Variants in ALK observed in about 807,000 individuals in gnomAD.
The protein encoded by ALK is ALK tyrosine kinase receptor.
A neutral mutation model predicts 163.1 loss-of-function variants in ALK; 74 were observed. The observed-to-expected ratio is 0.45, with a 90% CI of 0.38 to 0.55. The LOEUF (loss-of-function observed/expected upper bound fraction) is 0.55, where lower values mean the gene tolerates loss of function less well. ALK is among the 20% of genes least tolerant of loss of function. ALK has a pLI of 0.00. For synonymous variants in ALK, 960 were observed against 843.2 expected (o/e 1.14, Z -2.40); for missense variants, 2,063 against 2,105.3 (o/e 0.98, Z 0.39).
chr2:29,850,670 CG>C (rs904934998), intron 1 of ALK, among the ~76,000 whole-genome samples: 3 of 152,160 alleles, frequency 2.0e-5, no homozygotes, highest in African/African-American at 7.2e-5. Flanking sequence ...CAGCCAGGCT[CG>C]GGGGTGTTTC....
chr2:29,279,345 C>A (rs1665648475), intron 9 of ALK, among the ~76,000 whole-genome samples: 1 of 152,174 alleles, frequency 6.6e-6, no homozygotes. Flanking sequence ...CCGGGGCCAC[C>A]CACACATGGG....
chr2:29,645,945 T>C (rs750288893), intron 3 of ALK, among the ~76,000 whole-genome samples: 3 of 152,152 alleles, frequency 2.0e-5, no homozygotes, highest in Non-Finnish European at 4.4e-5. Flanking sequence ...TTAGCTACAG[T>C]CATTCATTCC....
chr2:29,444,742 A>G (rs1192236968), intron 4 of ALK, among the ~76,000 whole-genome samples: 3 of 152,206 alleles, frequency 2.0e-5, no homozygotes, highest in Non-Finnish European at 4.4e-5. Flanking sequence ...AGAAATTAAA[A>G]AGTTTCCTTG....
intron 1 of ALK, among the ~76,000 whole-genome samples, chr2:29,879,119 G>C (rs1201703330): frequency 6.6e-6 from 1 of 152,116 alleles, no homozygotes; most frequent in African/African-American, 2.4e-5. Context: ...ACCCACCCCT[G>C]CGTGGTACTA....
At chr2:29,896,840 T>G (rs775825282) in intron 1 of ALK, among the ~76,000 whole-genome samples, 9 of 152,226 alleles carry the variant, frequency 5.9e-5, no homozygotes, top group Non-Finnish European at 7.3e-5. Context: ...GGGTTTTTCA[T>G]TACCTCACAC....
intron 2 of ALK, among the ~76,000 whole-genome samples, chr2:29,697,547 G>T (rs553260340): frequency 5.3e-5 from 8 of 152,258 alleles, no homozygotes; most frequent in African/African-American, 1.9e-4. Context: ...GGCTCTCAAA[G>T]CTGGCTTATG....
chr2:29,339,830 A>G (rs1405653122), intron 5 of ALK, among the ~76,000 whole-genome samples: 1 of 152,138 alleles, frequency 6.6e-6, no homozygotes, highest in Non-Finnish European at 1.5e-5. Context: ...AGAGCCTATG[A>G]GGGCTGGTTT....
intron 4 of ALK, among the ~76,000 whole-genome samples, chr2:29,495,039 T>C (rs1401040359): frequency 2.0e-5 from 3 of 152,186 alleles, no homozygotes; most frequent in African/African-American, 4.8e-5. Context: ...TGCTAGCATG[T>C]TCTCTACTCA....
intron 1 of ALK, among the ~76,000 whole-genome samples, chr2:29,806,877 C>T (rs560059912): frequency 9.9e-5 from 15 of 152,244 alleles, no homozygotes; most frequent in East Asian, 9.7e-4. Flanking sequence ...GTAAGAGGAA[C>T]AAACAGGGTT....
At chr2:29,556,146 G>A (rs1317418939) in intron 3 of ALK, among the ~76,000 whole-genome samples, 3 of 152,158 alleles carry the variant, frequency 2.0e-5, no homozygotes, top group Non-Finnish European at 4.4e-5. Flanking sequence ...GCCTATCTGG[G>A]AGATGCCGCA....
chr2:29,733,807 A>G (rs1335439734), intron 1 of ALK, among the ~76,000 whole-genome samples: 1 of 152,070 alleles, frequency 6.6e-6, no homozygotes, highest in Non-Finnish European at 1.5e-5. Flanking sequence ...AGACACACCC[A>G]CGGGGATCCG....
chr2:29,841,004 G>A (rs939315238), intron 1 of ALK, among the ~76,000 whole-genome samples: 5 of 152,054 alleles, frequency 3.3e-5, no homozygotes, highest in Admixed American at 2.0e-4. Context: ...TGCAGTCACC[G>A]CTCCAAGTAT....
chr2:29,652,498 T>C (rs762260101), intron 3 of ALK, among the ~76,000 whole-genome samples: 18 of 152,214 alleles, frequency 1.2e-4, no homozygotes, highest in Non-Finnish European at 2.5e-4. Context: ...CCTAAAATCC[T>C]TAAAAATTCC....
intron 1 of ALK, among the ~76,000 whole-genome samples, chr2:29,918,872 ATGGAATTTG>A (rs1309875404): frequency 1.3e-5 from 2 of 152,186 alleles, no homozygotes. Context: ...GGTTTGCTTG[ATGGAATTTG>A]TGTAGGCTTT....
At position 29,193,339 on chromosome 2, in the gene ALK, T is replaced by A. The variant is rs751677905; in HGVS notation, c.4748A>T (p.Asn1583Ile). 6.2e-7 allele frequency: 1 copy of A among 1,614,194 alleles called. No homozygotes were observed. The highest frequency in any genetic ancestry group is 8.5e-7 in the Non-Finnish European group (1 of 1,180,026). The part of the protein sequence containing the change: ...RLRHFPCGNV[N>I]YGYQQQGLPL... The stretch of plus-strand genomic sequence containing the variant: ...CAAGCCCTGTTGCTGGTAGCCGTAA[T>A]TGACATTCCCACAAGGGAAGTGACG... The change falls in exon 29 of 29, where the codon AAT (asparagine) becomes ATT (isoleucine). Residue 1583 changes from asparagine to isoleucine, a missense_variant. Asn to Ile is a moderately radical substitution (Grantham distance 149). Coordinates refer to ENST00000389048, the MANE Select transcript of ALK (RefSeq NM_004304.5).
intron 1 of ALK, among the ~76,000 whole-genome samples, chr2:29,816,521 G>T (rs1184824576): frequency 6.6e-6 from 1 of 152,122 alleles, no homozygotes; most frequent in Non-Finnish European, 1.5e-5. Flanking sequence ...CAAGAAAGGC[G>T]ATTCTAAAAG....
chr2:29,367,172 T>G lies in ALK; in HGVS notation c.1282+16560A>C, dbSNP rs542568337. On this transcript the variant is annotated intron_variant, in intron 5 of 28. Transcript: ENST00000389048. Reference sequence around the variant, plus strand: ...TGCATCCAGTATGTGCCAGGCTCTGTGCTGGAGGGTGACTGAGCAACCAGT... The same window carrying G: ...TGCATCCAGTATGTGCCAGGCTCTGGGCTGGAGGGTGACTGAGCAACCAGT... Among the ~76,000 whole-genome samples the G allele has an allele frequency of 1.5e-4, 23 of 152,202 alleles. 1 individual carries two copies. In the South Asian group the frequency reaches 2.3e-3, roughly 15 times the overall value.
intron 3 of ALK, among the ~76,000 whole-genome samples, chr2:29,564,510 A>G (rs1317512209): frequency 6.6e-6 from 1 of 150,880 alleles, no homozygotes; most frequent in African/African-American, 2.4e-5. Flanking sequence ...GCAAAACGCC[A>G]TCTCCTAGAA....
chr2:29,372,457 C>T (rs773528674), intron 5 of ALK, among the ~76,000 whole-genome samples: 12 of 152,154 alleles, frequency 7.9e-5, no homozygotes, highest in Non-Finnish European at 1.8e-4. Flanking sequence ...AATGAAGAGC[C>T]GCCAAGGCCA....
Sources: gnomAD v4.1 joint callset for allele counts (sites outside exome capture counted in the v4.1 genomes callset) on GRCh38, gnomAD v4.1.1 for gene constraint, MANE v1.5 for transcripts, NCBI Gene and HGNC (gene_info 2026-07-23, HGNC 2026-07-21) for gene names.